BICD1: variants seen among roughly 807,000 people sequenced by gnomAD.
The protein encoded by BICD1 is BICD cargo adaptor 1, also known as protein bicaudal D homolog 1.
In BICD1, 35 loss-of-function variants were observed where a neutral mutation model predicts 92.5. That is an observed-to-expected ratio of 0.38 (90% CI 0.29 to 0.50). The LOEUF (loss-of-function observed/expected upper bound fraction) is 0.50. BICD1 is among the 20% of genes least tolerant of loss of function. The pLI, the probability that BICD1 is intolerant of heterozygous loss-of-function variation, is 0.93. For synonymous variants in BICD1, 429 were observed against 465.1 expected, an observed-to-expected ratio of 0.92 and a Z score of 1.00; for missense variants, 950 against 1,189.8, an observed-to-expected ratio of 0.80 and a Z score of 2.97.
intron 1 of BICD1, among the ~76,000 whole-genome samples, chr12:32,117,749 TATA>T (rs1941983549): frequency 6.5e-5 from 6 of 92,368 alleles, no homozygotes; most frequent in African/African-American, 1.5e-4. Flanking sequence ...TATATATATA[TATA>T]TATATATTTT....
At chr12:32,255,809 C>T (rs948407049) in intron 2 of BICD1, among the ~76,000 whole-genome samples, 1 of 152,230 alleles carries the variant, frequency 6.6e-6, no homozygotes, top group Non-Finnish European at 1.5e-5. Flanking sequence ...ATCAGAATTA[C>T]TCCCTTGGCC....
chr12:32,276,024 G>GGAGCTCTGTGAGCTTTGT (rs1378709040), intron 2 of BICD1, among the ~76,000 whole-genome samples: 1 of 152,006 alleles, frequency 6.6e-6, no homozygotes, highest in Non-Finnish European at 1.5e-5. Context: ...CACCATTTTG[G>GGAGCTCTGTGAGCTTTGT]GAGCTCTGTG....
At chr12:32,194,376 A>C (rs1944663637) in intron 1 of BICD1, among the ~76,000 whole-genome samples, 1 of 152,212 alleles carries the variant, frequency 6.6e-6, no homozygotes, top group Non-Finnish European at 1.5e-5. Context: ...AAAAAGAAAC[A>C]AAAGACATCC....
intron 8 of BICD1, 94 bp from the exon 9 acceptor site, chr12:32,367,576 A>C: frequency 8.4e-7 from 1 of 1,189,004 alleles, no homozygotes; most frequent in Non-Finnish European, 1.2e-6. Flanking sequence ...CACATTCCTC[A>C]CTAAATCTCT....
At chr12:32,284,347 T>G (rs558791898) in intron 2 of BICD1, among the ~76,000 whole-genome samples, 1 of 152,348 alleles carries the variant, frequency 6.6e-6, no homozygotes, top group South Asian at 2.1e-4. Context: ...TAAGTATTTA[T>G]AGGATACATC....
intron 1 of BICD1, among the ~76,000 whole-genome samples, chr12:32,118,087 A>ATTTTATTTTATTTTAT (rs372015819): frequency 5.4e-5 from 7 of 128,524 alleles, no homozygotes; most frequent in East Asian, 2.4e-4. Context: ...ATTTTATTTT[A>ATTTTATTTTATTTTAT]TTTATTTTTT....
At chr12:32,124,038 T>TG (rs1040462859) in intron 1 of BICD1, among the ~76,000 whole-genome samples, 1 of 152,224 alleles carries the variant, frequency 6.6e-6, no homozygotes, top group African/African-American at 2.4e-5. Context: ...CTAAGTGTCT[T>TG]GTGCTCTCTG....
chr12:32,173,510 A>G (rs1240150041), intron 1 of BICD1, among the ~76,000 whole-genome samples: 1 of 152,194 alleles, frequency 6.6e-6, no homozygotes, highest in Non-Finnish European at 1.5e-5. Flanking sequence ...GCTATCTATG[A>G]GAGCTGTAGC....
In BICD1 at chr12:32,337,644, G is replaced by A. The variant is rs1160849845; in HGVS notation, c.2398G>A (p.Asp800Asn). The A allele has an allele frequency of 6.2e-7, 1 of 1,614,152 alleles. No homozygotes were observed. The highest frequency in any genetic ancestry group is 2.2e-5 in the East Asian group (1 of 44,880). Residue 800 changes from aspartate to asparagine, a missense_variant, in exon 7 of 10, where the codon GAC becomes AAC. By Grantham distance (23) the Asp-to-Asn change is conservative. This residue lies in a region of BICD1 where 309 missense variants were observed against 499.4 expected (regional missense o/e 0.62). Transcript: ENST00000652176. The surrounding 1 kb of genome is among the most constrained non-coding windows in gnomAD (Gnocchi z 4.7). ...LTQRLEDLEF[D>N]HEQSRRSKGK... The stretch of plus-strand genomic sequence containing the variant: ...CCAGAGGCTGGAGGACTTAGAGTTT[G>A]ACCATGAGCAGTCCCGACGCAGCAA...
intron 1 of BICD1, among the ~76,000 whole-genome samples, chr12:32,181,192 G>A (rs1944262692): frequency 6.6e-6 from 1 of 151,778 alleles, no homozygotes; most frequent in South Asian, 2.1e-4. Flanking sequence ...GGCCGAGGGG[G>A]GTGGATCACT....
At chr12:32,276,552 A>G (rs1334690600) in intron 2 of BICD1, among the ~76,000 whole-genome samples, 2 of 152,200 alleles carry the variant, frequency 1.3e-5, no homozygotes, top group Admixed American at 6.5e-5. Flanking sequence ...AGCGGGAGGG[A>G]CAAGGATCAG....
chr12:32,243,285 TGTA>T (rs1170243992), intron 2 of BICD1, among the ~76,000 whole-genome samples: 82 of 134,684 alleles, frequency 6.1e-4, no homozygotes, highest in African/African-American at 1.5e-3. Flanking sequence ...TTTTTTTTTT[TGTA>T]TTTTTGGTAG....
At chr12:32,217,031 A>G (rs1373991180) in intron 2 of BICD1, among the ~76,000 whole-genome samples, 1 of 152,224 alleles carries the variant, frequency 6.6e-6, no homozygotes, top group Admixed American at 6.5e-5. Flanking sequence ...CACCAAACTC[A>G]GTATTCCTTG....
intron 2 of BICD1, among the ~76,000 whole-genome samples, chr12:32,231,369 G>C (rs1945882095): frequency 6.6e-6 from 1 of 151,936 alleles, no homozygotes; most frequent in African/African-American, 2.4e-5. Flanking sequence ...TGTAGTCCCA[G>C]ATACTCGGGA....
rs1292756123 is a variant in BICD1, at chr12:32,313,534, G to A, written c.1005+7412G>A. On this transcript the variant is annotated intron_variant, in intron 4 of 9. Transcript: ENST00000652176. The surrounding 1 kb of genome is among the most constrained non-coding windows in gnomAD (Gnocchi z 4.2). ...GTCGAACAAGTGAAATATTATCTCT[G>A]CTTAAACACTCACAGAATATTTATA... 1.3e-5 allele frequency among the ~76,000 whole-genome samples: 2 copies of A among 152,102 alleles called. No homozygotes were observed. Among genetic ancestry groups the A allele is most frequent in the African/African-American group, 4.8e-5 (2 of 41,418 alleles).
At chr12:32,151,150 A>G (rs1218095860) in intron 1 of BICD1, among the ~76,000 whole-genome samples, 2 of 152,216 alleles carry the variant, frequency 1.3e-5, no homozygotes. Context: ...TGAGATTTAT[A>G]TGATTAGAAA....
intron 2 of BICD1, among the ~76,000 whole-genome samples, chr12:32,288,192 A>G (rs542541468): frequency 3.3e-4 from 49 of 149,848 alleles, no homozygotes; most frequent in Admixed American, 9.3e-4. Context: ...GGGGGCCATT[A>G]ATATACTTAC....
chr12:32,265,833 C>G (rs188223030), intron 2 of BICD1, among the ~76,000 whole-genome samples: 18 of 152,132 alleles, frequency 1.2e-4, no homozygotes, highest in African/African-American at 4.3e-4. Flanking sequence ...CAAGAACAGA[C>G]TCTTCTATCT....
At chr12:32,129,402 A>G (rs2121286798) in intron 1 of BICD1, among the ~76,000 whole-genome samples, 1 of 151,450 alleles carries the variant, frequency 6.6e-6, no homozygotes, top group African/African-American at 2.4e-5. Flanking sequence ...GCACATGCCT[A>G]TAGTCCCAGC....
Sources: gnomAD v4.1 joint callset for allele counts (sites outside exome capture counted in the v4.1 genomes callset) on GRCh38, gnomAD v4.1.1 for gene constraint, gnomAD v4.1.1 regional missense constraint, Gnocchi (gnomAD v3.1) non-coding constraint, MANE v1.5 for transcripts, NCBI Gene and HGNC (gene_info 2026-07-23, HGNC 2026-07-21) for gene names.